Variants in SAMD12 observed in about 807,000 individuals in gnomAD.
The protein encoded by SAMD12 is sterile alpha motif domain containing 12, also known as sterile alpha motif domain-containing protein 12.
A neutral mutation model predicts 15.0 loss-of-function variants in SAMD12; 9 were observed. The ratio of observed to expected loss-of-function variants is 0.60; its 90% CI spans 0.36 to 1.05. The LOEUF (loss-of-function observed/expected upper bound fraction) is 1.05. Ranked by LOEUF, SAMD12 falls within the 50% of genes least tolerant of loss-of-function variation. The probability of loss-of-function intolerance (pLI) is 0.01; values close to 1 mark genes in which losing one functional copy is unlikely to be tolerated. For synonymous variants in SAMD12, 86 were observed against 90.1 expected, an observed-to-expected ratio of 0.96 and a Z score of 0.25; for missense variants, 230 against 234.2, an observed-to-expected ratio of 0.98 and a Z score of 0.12.
intron 4 of SAMD12, among the ~76,000 whole-genome samples, chr8:118,209,490 A>G (rs1475919357): frequency 6.6e-6 from 1 of 152,186 alleles, no homozygotes; most frequent in African/African-American, 2.4e-5. Context: ...CGTTGCTATA[A>G]AACTGTGTGG....
chr8:118,531,612 A>G (rs1463157018), intron 2 of SAMD12, among the ~76,000 whole-genome samples: 2 of 152,066 alleles, frequency 1.3e-5, no homozygotes, highest in Non-Finnish European at 2.9e-5. Flanking sequence ...GTTGAGCAGT[A>G]GTTTGTAATT....
chr8:118,258,418 T>C (rs1813002165), intron 4 of SAMD12, among the ~76,000 whole-genome samples: 1 of 152,002 alleles, frequency 6.6e-6, no homozygotes, highest in Non-Finnish European at 1.5e-5. Context: ...TTAGACTATA[T>C]TTCTGTCATT....
At chr8:118,582,218 C>T (rs188414556) in intron 1 of SAMD12, among the ~76,000 whole-genome samples, 1 of 152,202 alleles carries the variant, frequency 6.6e-6, no homozygotes, top group Admixed American at 6.6e-5. Flanking sequence ...TGGTGACTCC[C>T]AAATATTAAC....
chr8:118,363,684 T>A (rs1477138953), intron 4 of SAMD12, among the ~76,000 whole-genome samples: 1 of 152,204 alleles, frequency 6.6e-6, no homozygotes, highest in Non-Finnish European at 1.5e-5. Flanking sequence ...CATAATAACA[T>A]CAGCAGATTC....
intron 4 of SAMD12, among the ~76,000 whole-genome samples, chr8:118,332,486 G>A (rs753595049): frequency 6.6e-6 from 1 of 152,188 alleles, no homozygotes; most frequent in Non-Finnish European, 1.5e-5. Context: ...GGATGTGCAG[G>A]TGTCGTTCGT....
chr8:118,396,639 C>T (rs1820583980), intron 3 of SAMD12, among the ~76,000 whole-genome samples: 1 of 152,164 alleles, frequency 6.6e-6, no homozygotes, highest in Non-Finnish European at 1.5e-5. Flanking sequence ...AGAGATTTGT[C>T]CAAAGTCGTA....
chr8:118,468,248 C>G (rs10086297), intron 2 of SAMD12, among the ~76,000 whole-genome samples: 58,464 of 151,970 alleles, frequency 0.38, 13,368 homozygotes, highest in Non-Finnish European at 0.49. Flanking sequence ...AGTGTATCAT[C>G]ATAATCTTTG....
the SAMD12 span, among the ~76,000 whole-genome samples, chr8:118,174,160 T>C: frequency 2.0e-5 from 3 of 152,190 alleles, no homozygotes; most frequent in South Asian, 2.1e-4. Context: ...ATTTTACCTA[T>C]CCTGTGGGAT....
At chr8:118,151,226 A>G in the SAMD12 span, among the ~76,000 whole-genome samples, 1 of 152,170 alleles carries the variant, frequency 6.6e-6, no homozygotes, top group African/African-American at 2.4e-5. Context: ...TACTAGTTTT[A>G]ATAACATTGG....
At chr8:118,611,987 G>A (rs368685031) in intron 1 of SAMD12, among the ~76,000 whole-genome samples, 5 of 152,030 alleles carry the variant, frequency 3.3e-5, no homozygotes, top group African/African-American at 7.2e-5. Context: ...GACATCCAAC[G>A]CAAGACTCAG....
the SAMD12 span, among the ~76,000 whole-genome samples, chr8:118,147,269 C>G: frequency 6.6e-6 from 1 of 151,146 alleles, no homozygotes; most frequent in Non-Finnish European, 1.5e-5. Flanking sequence ...ATGTGATCCA[C>G]CCAGCTCAGC....
At chr8:118,292,776 T>C in intron 4 of SAMD12, among the ~76,000 whole-genome samples, 1 of 151,792 alleles carries the variant, frequency 6.6e-6, no homozygotes. Flanking sequence ...TTGGAAATCA[T>C]CATTCTCAGT....
At chr8:118,536,372 C>T (rs189461904) in intron 2 of SAMD12, among the ~76,000 whole-genome samples, 3 of 151,482 alleles carry the variant, frequency 2.0e-5, no homozygotes, top group Non-Finnish European at 4.4e-5. Context: ...TTTAAAAATA[C>T]CTGGCATTAT....
the SAMD12 span, among the ~76,000 whole-genome samples, chr8:118,133,412 G>A: frequency 2.6e-5 from 4 of 151,968 alleles, no homozygotes; most frequent in African/African-American, 4.8e-5. Context: ...GTAAACATGT[G>A]CCATGGTGGT....
chr8:118,176,005 G>A, the SAMD12 span, among the ~76,000 whole-genome samples: 1 of 152,142 alleles, frequency 6.6e-6, no homozygotes, highest in Non-Finnish European at 1.5e-5. Context: ...ATACCCAACA[G>A]AATAGAAATT....
chr8:118,327,847 T>G (rs1274676173), intron 4 of SAMD12, among the ~76,000 whole-genome samples: 1 of 152,118 alleles, frequency 6.6e-6, no homozygotes, highest in Non-Finnish European at 1.5e-5. Flanking sequence ...GGTCCTGACA[T>G]CTCCCATTCA....
the SAMD12 span, among the ~76,000 whole-genome samples, chr8:118,165,313 A>C: frequency 6.6e-6 from 1 of 152,114 alleles, no homozygotes; most frequent in African/African-American, 2.4e-5. Context: ...CAACTCGGGA[A>C]CAGCCAGACA....
chr8:118,513,256 A>C (rs1361283688), intron 2 of SAMD12, among the ~76,000 whole-genome samples: 1 of 152,226 alleles, frequency 6.6e-6, no homozygotes, highest in Non-Finnish European at 1.5e-5. Flanking sequence ...AGATTTGAGA[A>C]ATTTTAGAAA....
intron 2 of SAMD12, among the ~76,000 whole-genome samples, chr8:118,562,128 C>A (rs1826718378): frequency 6.6e-6 from 1 of 152,202 alleles, no homozygotes; most frequent in Admixed American, 6.5e-5. Flanking sequence ...GGATTTTCCT[C>A]CTTGATTTTT....
Sources: allele counts gnomAD v4.1 joint callset (sites outside exome capture counted in the v4.1 genomes callset), GRCh38; gene constraint gnomAD v4.1.1; transcripts MANE v1.5; gene names NCBI Gene and HGNC (gene_info 2026-07-23, HGNC 2026-07-21).